GPD2: variants seen among roughly 807,000 people sequenced by gnomAD.
The protein encoded by GPD2 is glycerol-3-phosphate dehydrogenase, mitochondrial.
In GPD2, 54 loss-of-function variants were observed where a neutral mutation model predicts 82.4. That is an observed-to-expected ratio of 0.66 (90% CI 0.53 to 0.82). The LOEUF is 0.82. GPD2 is among the 40% of genes least tolerant of loss of function. The probability of loss-of-function intolerance (pLI) is 0.00; values close to 1 mark genes in which losing one functional copy is unlikely to be tolerated. For synonymous variants in GPD2, 288 were observed against 306.1 expected (o/e 0.94, Z 0.62); for missense variants, 748 against 896.2 (o/e 0.83, Z 2.11).
intron 1 of GPD2, among the ~76,000 whole-genome samples, chr2:156,447,611 A>G (rs1283273225): frequency 6.6e-6 from 1 of 152,178 alleles, no homozygotes; most frequent in Non-Finnish European, 1.5e-5. Context: ...CTGGGATTAC[A>G]GGTGTGAGCC....
intron 2 of GPD2, among the ~76,000 whole-genome samples, chr2:156,485,011 A>G (rs1003170269): frequency 1.3e-5 from 2 of 152,204 alleles, no homozygotes; most frequent in South Asian, 2.1e-4. Context: ...GAGATCATAC[A>G]GTATTTGTCT....
chr2:156,573,498 G>A (rs1166241613), intron 13 of GPD2, among the ~76,000 whole-genome samples: 2 of 152,102 alleles, frequency 1.3e-5, no homozygotes, highest in Admixed American at 6.6e-5. Context: ...GGGATAATGT[G>A]TCCTTCCAAA....
chr2:156,502,114 G>C (rs1684606145), intron 3 of GPD2, among the ~76,000 whole-genome samples: 1 of 152,008 alleles, frequency 6.6e-6, no homozygotes, highest in African/African-American at 2.4e-5. Flanking sequence ...ATGTGTGTGT[G>C]TGTGTGTGTG....
intron 9 of GPD2, among the ~76,000 whole-genome samples, chr2:156,564,374 C>G (rs1185007313): frequency 1.3e-5 from 2 of 152,246 alleles, no homozygotes; most frequent in East Asian, 1.9e-4. Flanking sequence ...TTGAATCTTT[C>G]TTGAAAAAAC....
At chr2:156,497,764 G>A (rs1249012709) in intron 3 of GPD2, among the ~76,000 whole-genome samples, 1 of 152,154 alleles carries the variant, frequency 6.6e-6, no homozygotes, top group Non-Finnish European at 1.5e-5. Flanking sequence ...ATAATGGCAA[G>A]TTCAAAATAC....
chr2:156,525,928 T>TA (rs1274320154), intron 6 of GPD2, among the ~76,000 whole-genome samples: 1 of 152,184 alleles, frequency 6.6e-6, no homozygotes, highest in Non-Finnish European at 1.5e-5. Context: ...AAAATTAACT[T>TA]AAAAAATTTT....
chr2:156,539,725 G>T lies in GPD2; in HGVS notation c.662-9883G>T, dbSNP rs200544529. Reference sequence around the variant, plus strand: ...GCATTTTGTAAAAAGTTGTGTGCATGTGCTCACACACAAATGAGGAAAAGA... The same window carrying T: ...GCATTTTGTAAAAAGTTGTGTGCATTTGCTCACACACAAATGAGGAAAAGA... On this transcript the variant is annotated intron_variant, in intron 6 of 16. Transcript: ENST00000438166. 3.9e-5 allele frequency among the ~76,000 whole-genome samples: 6 copies of T among 152,268 alleles called. No individual in the cohort carries two copies. In the East Asian group the frequency reaches 1.2e-3, roughly 29 times the overall value.
chr2:156,451,088 C>A (rs1208966053), intron 1 of GPD2, among the ~76,000 whole-genome samples: 1 of 148,524 alleles, frequency 6.7e-6, no homozygotes, highest in African/African-American at 2.5e-5. Context: ...CGGCAACCAT[C>A]CGATTTCTCA....
upstream of GPD2, among the ~76,000 whole-genome samples, chr2:156,430,849 C>A (rs1688308846): frequency 6.6e-6 from 1 of 152,184 alleles, no homozygotes; most frequent in Non-Finnish European, 1.5e-5. Context: ...CTGGAAAGTA[C>A]CCACATGGTG....
chr2:156,507,043 T>A (rs903101603), intron 3 of GPD2, among the ~76,000 whole-genome samples: 4 of 152,032 alleles, frequency 2.6e-5, no homozygotes, highest in Non-Finnish European at 2.9e-5. Context: ...AGACGGAGTC[T>A]CACTGTATCA....
chr2:156,465,896 G>T (rs899699824), intron 1 of GPD2, among the ~76,000 whole-genome samples: 1 of 152,190 alleles, frequency 6.6e-6, no homozygotes, highest in African/African-American at 2.4e-5. Flanking sequence ...CCTCAAGGCA[G>T]ATTTAAAGTT....
chr2:156,437,845 T>C (rs1269714497), intron 1 of GPD2, among the ~76,000 whole-genome samples: 1 of 152,244 alleles, frequency 6.6e-6, no homozygotes, highest in Non-Finnish European at 1.5e-5. Context: ...TAGTGAGTGT[T>C]ACCACCCCCT....
At chr2:156,460,709 G>T (rs1333275830) in intron 1 of GPD2, among the ~76,000 whole-genome samples, 1 of 152,128 alleles carries the variant, frequency 6.6e-6, no homozygotes, top group East Asian at 1.9e-4. Flanking sequence ...ATATAAAAAA[G>T]ACTTCTGTTG....
chr2:156,543,924 A>G (rs1686425847), intron 6 of GPD2, among the ~76,000 whole-genome samples: 1 of 152,232 alleles, frequency 6.6e-6, no homozygotes, highest in East Asian at 1.9e-4. Context: ...AAAAGAATTG[A>G]GTTCCAAACA....
intron 8 of GPD2, among the ~76,000 whole-genome samples, chr2:156,555,837 G>T (rs1472658260): frequency 6.6e-6 from 1 of 152,154 alleles, no homozygotes; most frequent in Non-Finnish European, 1.5e-5. Context: ...AGGTTTAAAT[G>T]ATTGCAGACT....
Position 156,584,704 on chromosome 2 carries a change from T to G in GPD2, c.*1786T>G, listed in dbSNP as rs984531442. On this transcript the variant is annotated 3_prime_UTR_variant, in exon 17 of 17. Coordinates refer to ENST00000438166, the MANE Select transcript of GPD2 (RefSeq NM_000408.5). ...GAATTTTTACACTGGCTTTTTCATT[T>G]TTTTAAAGTAATTGAAGCTTGTGGC... 1 of 152,544 alleles carries G rather than the reference T, an allele frequency of 6.6e-6. No individual in the cohort carries two copies. Among genetic ancestry groups the G allele is most frequent in the Non-Finnish European group, 1.5e-5 (1 of 67,996 alleles). 9.4% of individuals were successfully genotyped at this position (152,544 alleles called of 1,614,324 possible). A position where few individuals can be genotyped will look rare whatever the true frequency, so the allele number is the denominator to read the frequency against.
At chr2:156,516,574 G>A (rs1361000799) in intron 6 of GPD2, among the ~76,000 whole-genome samples, 1 of 152,102 alleles carries the variant, frequency 6.6e-6, no homozygotes. Context: ...CAAGTAGCTG[G>A]GATTACACTT....
intron 6 of GPD2, among the ~76,000 whole-genome samples, chr2:156,543,781 G>A (rs888516456): frequency 1.3e-5 from 2 of 152,154 alleles, no homozygotes; most frequent in African/African-American, 2.4e-5. Flanking sequence ...TGGAAATTTA[G>A]GACGAATGTG....
intron 1 of GPD2, among the ~76,000 whole-genome samples, chr2:156,456,748 C>T (rs1682802686): frequency 2.0e-5 from 3 of 151,950 alleles, no homozygotes; most frequent in Non-Finnish European, 4.4e-5. Context: ...GTGAGTCACT[C>T]TTTTGTGTAG....
Sources: allele counts gnomAD v4.1 joint callset (sites outside exome capture counted in the v4.1 genomes callset), GRCh38; gene constraint gnomAD v4.1.1; transcripts MANE v1.5; gene names NCBI Gene and HGNC (gene_info 2026-07-23, HGNC 2026-07-21).